UTP20: variants seen among roughly 807,000 people sequenced by gnomAD.
UTP20 encodes the protein small subunit processome component 20 homolog.
UTP20 carries 164 observed loss-of-function variants against 329.5 expected under a neutral mutation model. That is an observed-to-expected ratio of 0.50 (90% CI 0.44 to 0.57). The LOEUF is 0.57. UTP20 is among the 20% of genes least tolerant of loss of function. The pLI is 0.00. For synonymous variants in UTP20, 1,151 were observed against 1,159.3 expected (o/e 0.99, Z 0.14); for missense variants, 3,055 against 3,284.2 (o/e 0.93, Z 1.71).
chr12:101,383,529 ATC>A lies in UTP20; in HGVS notation c.7930-12_7930-11del, dbSNP rs1481025259. The A allele has an allele frequency of 6.2e-7, 1 of 1,608,724 alleles. No homozygotes were observed. Among genetic ancestry groups the A allele is most frequent in the African/African-American group, 1.3e-5 (1 of 74,592 alleles). On this transcript the variant is annotated splice_polypyrimidine_tract_variant and intron_variant, in intron 59 of 61. Coordinates refer to ENST00000261637, the MANE Select transcript of UTP20 (RefSeq NM_014503.3). ...AGAAGTCTTTCAAATGAAAAAAATG[ATC>A]TGTACTTTCAGAGAACATGCATCTT...
intron 12 of UTP20, among the ~76,000 whole-genome samples, chr12:101,297,296 G>A (rs1259414664): frequency 1.3e-5 from 2 of 152,116 alleles, no homozygotes; most frequent in South Asian, 2.1e-4. Context: ...GCTCACTGCA[G>A]CCTCGATCTC....
At chr12:101,358,658 C>T (rs1246455620) in intron 43 of UTP20, among the ~76,000 whole-genome samples, 1 of 152,176 alleles carries the variant, frequency 6.6e-6, no homozygotes, top group Non-Finnish European at 1.5e-5. Context: ...TTCACTTTAA[C>T]AGTTCTTTCT....
At chr12:101,283,885 C>CT (rs992493218) in intron 2 of UTP20, among the ~76,000 whole-genome samples, 3 of 150,352 alleles carry the variant, frequency 2.0e-5, no homozygotes, top group Non-Finnish European at 3.0e-5. Context: ...TCTTTTCTGC[C>CT]TTTTTTTTTA....
intron 40 of UTP20, 140 bp from the exon 41 acceptor site, chr12:101,354,692 C>G (rs1181722778): frequency 1.2e-6 from 1 of 832,640 alleles, no homozygotes; most frequent in East Asian, 2.6e-5. Context: ...GCTCTTTCCT[C>G]AGCACTTACC....
At chr12:101,360,515 A>G (rs1223809886) in intron 43 of UTP20, among the ~76,000 whole-genome samples, 11 of 152,164 alleles carry the variant, frequency 7.2e-5, no homozygotes, top group African/African-American at 2.7e-4. Flanking sequence ...CCGTCTATAT[A>G]TAAAAGTACT....
In UTP20 at chr12:101,281,115, G is replaced by A; in HGVS notation, c.46-1G>A. 1 of 1,610,272 alleles carries A rather than the reference G, an allele frequency of 6.2e-7. No homozygotes were observed. Among genetic ancestry groups the A allele is most frequent in the Non-Finnish European group, 8.5e-7 (1 of 1,177,758 alleles). ...TATCTTAAATATACTTTCCCTTCCA[G>A]TTTCTTACATTTGCTGAACGACTGG... On this transcript the variant is annotated splice_acceptor_variant, in intron 1 of 61. Transcript: ENST00000261637. LOFTEE classifies it high-confidence loss of function.
intron 56 of UTP20, among the ~76,000 whole-genome samples, chr12:101,376,189 A>G (rs1870465111): frequency 6.6e-6 from 1 of 152,096 alleles, no homozygotes; most frequent in South Asian, 2.1e-4. Flanking sequence ...TTAGTTCCAT[A>G]TAAACTTTGA....
rs139120591 is a variant in UTP20, at chr12:101,377,573, G to A, written c.7397-1798G>A. Reference sequence around the variant, plus strand: ...TCTCCATCTCTTGACCTCATGATCCGCCTGCCTCGGCCTCCCAAAGTGCTG... The same window carrying A: ...TCTCCATCTCTTGACCTCATGATCCACCTGCCTCGGCCTCCCAAAGTGCTG... On this transcript the variant is annotated intron_variant, in intron 56 of 61. Coordinates refer to ENST00000261637, the MANE Select transcript of UTP20 (RefSeq NM_014503.3). 8.9e-3 allele frequency among the ~76,000 whole-genome samples: 1,352 copies of A among 151,636 alleles called. 13 individuals carry two copies. Among genetic ancestry groups the A allele is most frequent in the Non-Finnish European group, 0.015 (989 of 67,836 alleles).
Position 101,302,516 on chromosome 12 carries a change from C to A in UTP20, c.1744C>A (p.His582Asn), listed in dbSNP as rs370416680. The change falls in exon 15 of 62, where the codon CAT (histidine) becomes AAT (asparagine). Residue 582 changes from histidine to asparagine, a missense_variant. By Grantham distance (68) the His-to-Asn change is moderately conservative. Transcript: ENST00000261637. ...TTTGGAAGAATCTTCTGAACTTCTT[C>A]ATTTGGTTCCTGTGGAACGTGTGAA... ...LSLEESSELLHLVPVERVKNL... is the reference protein window; with the variant it reads ...LSLEESSELLNLVPVERVKNL... 9.1e-5 allele frequency: 147 copies of A among 1,610,966 alleles called. No homozygotes were observed. The highest frequency in any genetic ancestry group is 1.2e-4 in the Non-Finnish European group (143 of 1,179,234).
At chr12:101,373,015 C>G (rs557372556) in intron 52 of UTP20, 52 bp downstream of exon 52, 3 of 1,463,726 alleles carry the variant, frequency 2.0e-6, no homozygotes. Flanking sequence ...TCTTCTTTCC[C>G]TTTAACATGG....
At chr12:101,299,553 C>A in intron 12 of UTP20, 129 bp from the exon 13 acceptor site, 2 of 830,714 alleles carry the variant, frequency 2.4e-6, no homozygotes, top group Non-Finnish European at 3.5e-6. Flanking sequence ...ATTTGTTTAG[C>A]TCAACCACCA....
chr12:101,360,173 G>A (rs565969729), intron 43 of UTP20, among the ~76,000 whole-genome samples: 11 of 152,270 alleles, frequency 7.2e-5, no homozygotes, highest in Non-Finnish European at 1.3e-4. Context: ...TGTTAATCAT[G>A]TAGACTGTAC....
intron 12 of UTP20, among the ~76,000 whole-genome samples, chr12:101,297,862 C>T (rs1444958458): frequency 6.6e-6 from 1 of 152,172 alleles, no homozygotes; most frequent in Non-Finnish European, 1.5e-5. Context: ...CAGATCCTCC[C>T]AGGAGGGTGA....
Position 101,373,683 on chromosome 12 carries a change from A to G in UTP20, c.7047A>G (p.Thr2349=). The G allele has an allele frequency of 6.2e-7, 1 of 1,613,158 alleles. No individual in the cohort carries two copies. Among genetic ancestry groups the G allele is most frequent in the Non-Finnish European group, 8.5e-7 (1 of 1,179,850 alleles). ...SATCKKMASM[T]IKSLLGKISL... is the part of the protein sequence containing the mutation. ...CGTGCAAAAAGATGGCATCCATGAC[A>G]ATCAAGTCCCTACTTGGTAAAATCA... Residue 2349 remains threonine, a synonymous_variant, in exon 54 of 62, where the codon ACA becomes ACG. Coordinates refer to ENST00000261637, the MANE Select transcript of UTP20 (RefSeq NM_014503.3).
intron 25 of UTP20, among the ~76,000 whole-genome samples, chr12:101,324,186 G>A (rs1156667260): frequency 1.1e-4 from 17 of 150,898 alleles, no homozygotes; most frequent in Admixed American, 1.1e-3. Flanking sequence ...TTTTAAAAAA[G>A]TCTAAACTTT....
At chr12:101,311,875 A>C in intron 20 of UTP20, 77 bp downstream of exon 20, 1 of 1,558,262 alleles carries the variant, frequency 6.4e-7, no homozygotes. Context: ...TTAATTACTC[A>C]CGAAATTGGA....
intron 38 of UTP20, among the ~76,000 whole-genome samples, chr12:101,350,089 TTC>T (rs1046099757): frequency 2.6e-4 from 40 of 152,346 alleles, no homozygotes; most frequent in African/African-American, 8.9e-4. Context: ...GCTCATATTT[TTC>T]TCTCACTTCT....
chr12:101,281,788 T>TC (rs1468720179), intron 2 of UTP20, among the ~76,000 whole-genome samples: 1 of 152,248 alleles, frequency 6.6e-6, no homozygotes, highest in African/African-American at 2.4e-5. Flanking sequence ...CACTGCAATC[T>TC]CCACCTCCCA....
intron 2 of UTP20, among the ~76,000 whole-genome samples, chr12:101,284,324 T>C (rs575279262): frequency 6.6e-6 from 1 of 152,318 alleles, no homozygotes; most frequent in South Asian, 2.1e-4. Flanking sequence ...CTCCCACTTA[T>C]AAGTCAGAAC....
Sources: gnomAD v4.1 joint callset for allele counts (sites outside exome capture counted in the v4.1 genomes callset) on GRCh38, gnomAD v4.1.1 for gene constraint, MANE v1.5 for transcripts, NCBI Gene and HGNC (gene_info 2026-07-23, HGNC 2026-07-21) for gene names.